The following SLC16A7 variants were observed in gnomAD, a reference collection of about 807,000 sequenced individuals.
SLC16A7 encodes the protein solute carrier family 16 member 7.
SLC16A7 carries 33 observed loss-of-function variants against 34.9 expected under a neutral mutation model. The ratio of observed to expected loss-of-function variants is 0.94; its 90% confidence interval spans 0.72 to 1.26. The LOEUF is 1.26. Ranked by LOEUF, SLC16A7 falls within the 50% of genes most tolerant of loss-of-function variation. The pLI, the probability that SLC16A7 is intolerant of heterozygous loss-of-function variation, is 0.00. For missense variants in SLC16A7, 573 were observed against 578.1 expected (o/e 0.99, Z 0.09); for synonymous variants, 201 against 206.6 (o/e 0.97, Z 0.23).
At chr12:59,755,513 A>G (rs1351832899) in intron 3 of SLC16A7, among the ~76,000 whole-genome samples, 1 of 152,210 alleles carries the variant, frequency 6.6e-6, no homozygotes, top group Non-Finnish European at 1.5e-5. Context: ...CAATTGCTTC[A>G]AAGAGGAATA....
intron 1 of SLC16A7, among the ~76,000 whole-genome samples, chr12:59,604,417 G>A (rs1390933486): frequency 1.3e-5 from 2 of 152,206 alleles, no homozygotes; most frequent in Non-Finnish European, 1.5e-5. Flanking sequence ...TAGCCACTCA[G>A]TAAAATTATA....
intron 2 of SLC16A7, among the ~76,000 whole-genome samples, chr12:59,678,425 A>G (rs977554221): frequency 2.0e-5 from 3 of 151,770 alleles, no homozygotes; most frequent in African/African-American, 7.3e-5. Flanking sequence ...GCTTGTCCCG[A>G]TGAGTGTTCA....
chr12:59,766,963 G>C (rs1342422531), intron 3 of SLC16A7, among the ~76,000 whole-genome samples: 1 of 151,836 alleles, frequency 6.6e-6, no homozygotes, highest in East Asian at 1.9e-4. Context: ...TCTGGTCCTG[G>C]GCTTTTTTTG....
At chr12:59,686,042 T>A (rs1334947349) in intron 2 of SLC16A7, among the ~76,000 whole-genome samples, 1 of 151,388 alleles carries the variant, frequency 6.6e-6, no homozygotes, top group African/African-American at 2.4e-5. Context: ...GCACAGGCCC[T>A]GTCTGCTTAT....
chr12:59,661,382 A>G (rs1330492063), intron 2 of SLC16A7, among the ~76,000 whole-genome samples: 1 of 152,022 alleles, frequency 6.6e-6, no homozygotes, highest in African/African-American at 2.4e-5. Context: ...AAGAGGAGAC[A>G]TTTTTGCTGA....
intron 3 of SLC16A7, among the ~76,000 whole-genome samples, chr12:59,718,122 A>G (rs1009410374): frequency 6.6e-6 from 1 of 152,194 alleles, no homozygotes; most frequent in Non-Finnish European, 1.5e-5. Flanking sequence ...TAAATTAGCT[A>G]TATATACAAG....
chr12:59,766,814 A>C (rs1424693478), intron 3 of SLC16A7, among the ~76,000 whole-genome samples: 11 of 152,140 alleles, frequency 7.2e-5, no homozygotes, highest in East Asian at 3.9e-4. Context: ...TGTCTCTGCC[A>C]GGCTTTGGTA....
In SLC16A7 at chr12:59,713,016, T is replaced by C. The variant is rs141147605; in HGVS notation, c.217+7998T>C. On this transcript the variant is annotated intron_variant, in intron 3 of 5. Transcript: ENST00000547379. ...GTTTTCTTTTCTTTTCTTTTCTTTT[T>C]TTTTCTTTTCTTTTCTTTTTTGAGA... 7.7e-3 allele frequency among the ~76,000 whole-genome samples: 1,165 copies of C among 151,822 alleles called. 4 individuals are homozygous for C. The highest frequency in any genetic ancestry group is 9.7e-3 in the Non-Finnish European group (662 of 67,964).
intron 3 of SLC16A7, among the ~76,000 whole-genome samples, chr12:59,767,902 T>A (rs966879062): frequency 1.4e-5 from 2 of 140,958 alleles, no homozygotes; most frequent in African/African-American, 5.5e-5. Context: ...ATGAGAACAC[T>A]TGGACACAGG....
At chr12:59,737,378 C>T (rs1304934148) in intron 3 of SLC16A7, among the ~76,000 whole-genome samples, 1 of 152,088 alleles carries the variant, frequency 6.6e-6, no homozygotes, top group Admixed American at 6.5e-5. Flanking sequence ...AATTTCAGAC[C>T]AGTTTATTAG....
intron 3 of SLC16A7, among the ~76,000 whole-genome samples, chr12:59,754,318 G>T (rs78528541): frequency 6.6e-6 from 1 of 152,156 alleles, no homozygotes; most frequent in South Asian, 2.1e-4. Flanking sequence ...GAATCCAGGA[G>T]CCGGTTTTTT....
chr12:59,715,106 A>T (rs926358088), intron 3 of SLC16A7, among the ~76,000 whole-genome samples: 1 of 152,174 alleles, frequency 6.6e-6, no homozygotes, highest in Non-Finnish European at 1.5e-5. Context: ...TGCATAATCC[A>T]GAATGTGTTA....
rs1173883074 is a variant in SLC16A7 at position 59,775,128 on chromosome 12, A to T, written c.833A>T (p.Asp278Val). Residue 278 changes from aspartate (D) to valine (V), a missense_variant, in exon 5 of 6, where the codon GAT (aspartate) becomes GTT (valine). Transcript: ENST00000547379. ...LAPYAKDQGI[D>V]EYSAAFLLSV... is the part of the protein sequence containing the mutation. The stretch of plus-strand genomic sequence containing the variant: ...CCATATGCTAAAGACCAAGGAATTG[A>T]TGAGTACTCGGCAGCTTTTCTGCTA... 6.2e-7 allele frequency: 1 copy of T among 1,614,090 alleles called. No homozygotes were observed. The highest frequency in any genetic ancestry group is 8.5e-7 in the Non-Finnish European group (1 of 1,179,992).
intron 1 of SLC16A7, among the ~76,000 whole-genome samples, chr12:59,616,009 C>T (rs1879432325): frequency 6.6e-6 from 1 of 152,148 alleles, no homozygotes; most frequent in Non-Finnish European, 1.5e-5. Flanking sequence ...GAAGGGGAAA[C>T]TACAGATAAT....
In SLC16A7 at chr12:59,713,752, G is replaced by C. The variant is rs77887991; in HGVS notation, c.217+8734G>C. 9.5e-4 allele frequency among the ~76,000 whole-genome samples: 145 copies of C among 152,274 alleles called. 2 individuals are homozygous for C. The highest frequency in any genetic ancestry group is 3.4e-3 in the African/African-American group (141 of 41,566). On this transcript the variant is annotated intron_variant, in intron 3 of 5. Coordinates refer to ENST00000547379, the MANE Select transcript of SLC16A7 (RefSeq NM_001270623.2). ...ATCATTGCCTGAGGATTCATTTGTA[G>C]TCACCAGAGGTAGGGATGTCCAGGT...
At chr12:59,774,633 C>G (rs780313061) in intron 4 of SLC16A7, 24 bp from the exon 5 acceptor site, 13 of 1,440,520 alleles carry the variant, frequency 9.0e-6, no homozygotes, top group Non-Finnish European at 1.2e-5. Flanking sequence ...GTGTTTTCCC[C>G]CACTTTTGTT....
At chr12:59,775,575 T>A in intron 5 of SLC16A7, 100 bp downstream of exon 5, 2 of 826,056 alleles carry the variant, frequency 2.4e-6, no homozygotes, top group Non-Finnish European at 3.7e-6. Context: ...ATAATAATAC[T>A]AATAGCCTGA....
chr12:59,686,763 T>G (rs1417227078), intron 2 of SLC16A7, among the ~76,000 whole-genome samples: 1 of 152,120 alleles, frequency 6.6e-6, no homozygotes, highest in Non-Finnish European at 1.5e-5. Context: ...CGACTATTTT[T>G]TTAAACTGAA....
intron 1 of SLC16A7, among the ~76,000 whole-genome samples, chr12:59,647,159 A>G (rs565229205): frequency 8.7e-4 from 132 of 152,202 alleles, no homozygotes; most frequent in Non-Finnish European, 1.6e-3. Context: ...AAATGTGAGG[A>G]CATAAGATTT....
Sources: gnomAD v4.1 joint callset for allele counts (sites outside exome capture counted in the v4.1 genomes callset) on GRCh38, gnomAD v4.1.1 for gene constraint, MANE v1.5 for transcripts, NCBI Gene and HGNC (gene_info 2026-07-23, HGNC 2026-07-21) for gene names.